SLC25A25: variants seen among roughly 807,000 people sequenced by gnomAD.
The protein encoded by SLC25A25 is solute carrier family 25 member 25, also known as mitochondrial adenyl nucleotide antiporter SLC25A25.
SLC25A25 carries 32 observed loss-of-function variants against 57.7 expected under a neutral mutation model. The observed-to-expected ratio is 0.55, with a 90% CI of 0.42 to 0.74. SLC25A25 has a LOEUF of 0.74. Among genes scored for constraint, SLC25A25 ranks in the 30% least tolerant of loss-of-function variants. The probability of loss-of-function intolerance (pLI) is 0.00; values close to 1 mark genes in which losing one functional copy is unlikely to be tolerated. For synonymous variants in SLC25A25, 306 were observed against 291.2 expected, an observed-to-expected ratio of 1.05 and a Z score of -0.52; for missense variants, 556 against 701.3, an observed-to-expected ratio of 0.79 and a Z score of 2.34.
At position 128,102,309 on chromosome 9, in the gene SLC25A25, G is replaced by A; in HGVS notation, c.513-61G>A. The A allele has an allele frequency of 6.6e-7, 1 of 1,505,734 alleles. No homozygotes were observed. The highest frequency in any genetic ancestry group is 1.7e-5 in the Admixed American group (1 of 58,470). 93.3% of individuals were successfully genotyped at this position (1,505,734 alleles called of 1,614,324 possible). A position where few individuals can be genotyped will look rare whatever the true frequency, so the allele number is the denominator to read the frequency against. On this transcript the variant is annotated intron_variant, in intron 4 of 10. Coordinates refer to ENST00000373069, the MANE Select transcript of SLC25A25 (RefSeq NM_001330988.2). The surrounding 1 kb of genome is among the most constrained non-coding windows in gnomAD (Gnocchi z 4.1). ...CCTGCCCTTGGCTCACTGGGAGGTG[G>A]GGGGATGCAGCTGGCGGATGGGCAT...
chr9:128,104,831 AATT>A (rs57220788), intron 6 of SLC25A25, among the ~76,000 whole-genome samples: 10,515 of 144,410 alleles, frequency 0.073, 757 homozygotes, highest in African/African-American at 0.18. Context: ...GATTTTTAAA[AATT>A]ATTATTATTA....
rs189986699 is a variant in SLC25A25, at chr9:128,085,051, C to T, written c.262-16045C>T. Among the ~76,000 whole-genome samples the T allele has an allele frequency of 5.0e-3, 765 of 152,196 alleles. 6 individuals carry two copies. The highest frequency in any genetic ancestry group is 0.017 in the African/African-American group (704 of 41,496). ...ATGTTTTAAAAAATATATATTGGGC[C>T]GGGCAGAGTGGCTCACACCTGTAAT... is the stretch of plus-strand genomic sequence containing the variant. On this transcript the variant is annotated intron_variant, in intron 1 of 10. Coordinates refer to ENST00000373069, the MANE Select transcript of SLC25A25 (RefSeq NM_001330988.2).
At chr9:128,085,817 C>T (rs1253069513) in intron 1 of SLC25A25, among the ~76,000 whole-genome samples, 1 of 152,032 alleles carries the variant, frequency 6.6e-6, no homozygotes, top group African/African-American at 2.4e-5. Context: ...TGACATATCA[C>T]GTGAATCATT....
At chr9:128,090,405 G>A (rs960407401) in intron 1 of SLC25A25, among the ~76,000 whole-genome samples, 2 of 151,920 alleles carry the variant, frequency 1.3e-5, no homozygotes, top group Admixed American at 6.5e-5. Context: ...TAGAGACGGG[G>A]TTTCACCATG....
chr9:128,084,084 T>C (rs1034987373), intron 1 of SLC25A25, among the ~76,000 whole-genome samples: 1 of 152,034 alleles, frequency 6.6e-6, no homozygotes, highest in African/African-American at 2.4e-5. Flanking sequence ...TACTGTTCTC[T>C]GAAAAGTACC....
chr9:128,076,625 C>T (rs1833021876), intron 1 of SLC25A25, among the ~76,000 whole-genome samples: 1 of 151,880 alleles, frequency 6.6e-6, no homozygotes, highest in Non-Finnish European at 1.5e-5. Context: ...ACCACCACGC[C>T]CAGCTAATTT....
At chr9:128,105,696 G>A (rs774549299) in intron 6 of SLC25A25, 33 bp from the exon 7 acceptor site, 12 of 1,611,362 alleles carry the variant, frequency 7.4e-6, no homozygotes, top group East Asian at 2.2e-5. Flanking sequence ...GTGGCCCCCC[G>A]GGTCCGTCTG....
Position 128,099,529 on chromosome 9 carries a change from TC to T in SLC25A25, c.262-1565del. On this transcript the variant is annotated intron_variant, in intron 1 of 10. Transcript: ENST00000373069. The surrounding 1 kb of genome is among the most constrained non-coding windows in gnomAD (Gnocchi z 6.8). Reference sequence around the variant, plus strand: ...GCCTAAATGGCTTGTCCACTCTATTTCCATTCCTGTTAGAGATTTGGAGCAG... The same window carrying T: ...GCCTAAATGGCTTGTCCACTCTATTTCATTCCTGTTAGAGATTTGGAGCAG... The T allele has an allele frequency of 1.9e-6, 1 of 539,644 alleles. No individual in the cohort carries two copies. 33.4% of individuals were successfully genotyped at this position (539,644 alleles called of 1,614,324 possible).
In SLC25A25 at chr9:128,103,608, G is replaced by GGTA; in HGVS notation, c.625-71_625-69dup. 6.3e-7 allele frequency: 1 copy of GGTA among 1,597,910 alleles called. No individual in the cohort carries two copies. Among genetic ancestry groups the GGTA allele is most frequent in the East Asian group, 2.2e-5 (1 of 44,794 alleles). On this transcript the variant is annotated intron_variant, in intron 5 of 10. Transcript: ENST00000373069. The surrounding 1 kb of genome is among the most constrained non-coding windows in gnomAD (Gnocchi z 6.7). ...TCCCTGGCCTGGAGCCGTGCTAGAG[G>GGTA]GTAGACGGCGACAGGTGCCAGCAGC...
Position 128,106,465 on chromosome 9 carries a change from T to C in SLC25A25, c.1157T>C (p.Val386Ala), listed in dbSNP as rs775097320. The change falls in exon 9 of 11, where the codon GTC becomes GCC. Residue 386 changes from valine (V) to alanine (A), a missense_variant. By Grantham distance (64) the Val-to-Ala change is moderately conservative. This residue lies in a region of SLC25A25 where 294 missense variants were observed against 389.6 expected (regional missense o/e 0.75). Transcript: ENST00000373069. ...EGVAAFYKGY[V>A]PNMLGIIPYA... ...GTGGCCGCCTTCTACAAAGGCTATG[T>C]CCCCAACATGCTGGGCATCATCCCC... is the stretch of plus-strand genomic sequence containing the variant. The C allele has an allele frequency of 6.2e-7, 1 of 1,613,000 alleles. No homozygotes were observed.
rs924309589 is a variant in SLC25A25 at position 128,108,471 on chromosome 9, G to A, written c.*1027G>A. 1.5e-5 allele frequency: 6 copies of A among 391,950 alleles called. No homozygotes were observed. Among genetic ancestry groups the A allele is most frequent in the African/African-American group, 8.2e-5 (4 of 48,516 alleles). 24.3% of individuals were successfully genotyped at this position (391,950 alleles called of 1,614,324 possible). A position where few individuals can be genotyped will look rare whatever the true frequency, so the allele number is the denominator to read the frequency against. On this transcript the variant is annotated 3_prime_UTR_variant, in exon 11 of 11. Transcript: ENST00000373069. Reference sequence around the variant, plus strand: ...TGTCCAACCCCAGCAGGGGCGCAGCGGGACCAGCCCCACATTCCACTTGTG... The same window carrying A: ...TGTCCAACCCCAGCAGGGGCGCAGCAGGACCAGCCCCACATTCCACTTGTG...
In SLC25A25 at chr9:128,102,586, T is replaced by C; in HGVS notation, c.624+105T>C. ...GTGCAGCTGGGGCTTTCCAGCCACCTCCTCTTCCACAGGAGACTGTCCCCT... is the reference window on the plus strand; with the variant it reads ...GTGCAGCTGGGGCTTTCCAGCCACCCCCTCTTCCACAGGAGACTGTCCCCT... On this transcript the variant is annotated intron_variant, in intron 5 of 10. Coordinates refer to ENST00000373069, the MANE Select transcript of SLC25A25 (RefSeq NM_001330988.2). The surrounding 1 kb of genome is among the most constrained non-coding windows in gnomAD (Gnocchi z 4.1). 1.2e-6 allele frequency: 1 copy of C among 834,762 alleles called. No individual in the cohort carries two copies. The highest frequency in any genetic ancestry group is 2.4e-5 in the Admixed American group (1 of 41,104). 51.7% of individuals were successfully genotyped at this position (834,762 alleles called of 1,614,324 possible).
rs937638522 is a variant in SLC25A25 at position 128,107,974 on chromosome 9, C to G, written c.*530C>G. On this transcript the variant is annotated 3_prime_UTR_variant, in exon 11 of 11. Transcript: ENST00000373069. ...CACGTGGCCTCCCAGGCCTGACTTC[C>G]CAACCTACAGCATTGACGCCAACTT... is the stretch of plus-strand genomic sequence containing the variant. 2 of 398,892 alleles carry G rather than the reference C, an allele frequency of 5.0e-6. No homozygotes were observed. Among genetic ancestry groups the G allele is most frequent in the African/African-American group, 4.1e-5 (2 of 48,642 alleles). The allele number at this position is 398,892 out of a possible 1,614,324, so 24.7% of individuals were successfully genotyped here.
At position 128,076,422 on chromosome 9, in the gene SLC25A25, C is replaced by T. The variant is rs984757039; in HGVS notation, c.261+7842C>T. 2.6e-5 allele frequency among the ~76,000 whole-genome samples: 4 copies of T among 152,104 alleles called. No individual in the cohort carries two copies. The South Asian group carries it at 8.3e-4, about 32-fold the overall frequency. ...TTAGGATTACAGGCATGAGCCACCA[C>T]GCCCAGCCTAACTTTTTTTTTATTT... On this transcript the variant is annotated intron_variant, in intron 1 of 10. Transcript: ENST00000373069.
chr9:128,079,219 G>A (rs570615191), intron 1 of SLC25A25, among the ~76,000 whole-genome samples: 25 of 152,120 alleles, frequency 1.6e-4, no homozygotes, highest in African/African-American at 5.1e-4. Flanking sequence ...AACTGGAGAG[G>A]TGGCTGTCCC....
intron 1 of SLC25A25, among the ~76,000 whole-genome samples, chr9:128,088,407 C>T (rs926934194): frequency 3.3e-5 from 5 of 152,316 alleles, no homozygotes; most frequent in Non-Finnish European, 7.4e-5. Context: ...GGGGAGCTCA[C>T]TCCCTGTGCA....
At chr9:128,074,492 T>C (rs1052745216) in intron 1 of SLC25A25, among the ~76,000 whole-genome samples, 37 of 151,860 alleles carry the variant, frequency 2.4e-4, no homozygotes, top group Admixed American at 2.4e-3. Context: ...GTGGATTACC[T>C]GAGGTCAGGA....
chr9:128,103,553 A>G lies in SLC25A25; in HGVS notation c.625-128A>G, dbSNP rs2130822359. 3 of 1,141,270 alleles carry G rather than the reference A, an allele frequency of 2.6e-6. No individual in the cohort carries two copies. Among genetic ancestry groups the G allele is most frequent in the Non-Finnish European group, 3.8e-6 (3 of 786,644 alleles). The allele number at this position is 1,141,270 out of a possible 1,614,324, so 70.7% of individuals were successfully genotyped here. On this transcript the variant is annotated intron_variant, in intron 5 of 10. Coordinates refer to ENST00000373069, the MANE Select transcript of SLC25A25 (RefSeq NM_001330988.2). This position sits in a 1 kb window ranked among gnomAD's most constrained non-coding sequence, Gnocchi z 6.7. The stretch of plus-strand genomic sequence containing the variant: ...AAAGACCCCAGCCCGCTTCCCACCC[A>G]GAGTCCTTGGCCTTCTCCCTGTCCT...
At chr9:128,081,098 G>T (rs567834874) in intron 1 of SLC25A25, among the ~76,000 whole-genome samples, 4 of 152,206 alleles carry the variant, frequency 2.6e-5, no homozygotes, top group Admixed American at 6.5e-5. Context: ...TATAGCTAAA[G>T]AATTCCTTTT....
Sources: gnomAD v4.1 joint callset for allele counts (sites outside exome capture counted in the v4.1 genomes callset) on GRCh38, gnomAD v4.1.1 for gene constraint, gnomAD v4.1.1 regional missense constraint, Gnocchi (gnomAD v3.1) non-coding constraint, MANE v1.5 for transcripts, NCBI Gene and HGNC (gene_info 2026-07-23, HGNC 2026-07-21) for gene names.